DGLUCY: variants seen among roughly 807,000 people sequenced by gnomAD.
The protein encoded by DGLUCY is D-glutamate cyclase, mitochondrial.
In DGLUCY, 58 loss-of-function variants were observed where a neutral mutation model predicts 58.5. The observed-to-expected ratio is 0.99, with a 90% confidence interval of 0.80 to 1.23. The LOEUF is 1.23. Among genes scored for constraint, DGLUCY ranks in the 50% most tolerant of loss-of-function variants. The pLI, the probability that DGLUCY is intolerant of heterozygous loss-of-function variation, is 0.00. For synonymous variants in DGLUCY, 325 were observed against 314.1 expected, an observed-to-expected ratio of 1.03 and a Z score of -0.37; for missense variants, 779 against 784.7, an observed-to-expected ratio of 0.99 and a Z score of 0.09.
intron 13 of DGLUCY, among the ~76,000 whole-genome samples, chr14:91,219,095 A>G (rs1887040233): frequency 6.6e-6 from 1 of 151,880 alleles, no homozygotes; most frequent in Non-Finnish European, 1.5e-5. Context: ...CATGAGAATC[A>G]CTTAAACTCG....
chr14:91,185,841 T>C (rs957203344), intron 8 of DGLUCY, among the ~76,000 whole-genome samples: 5 of 152,084 alleles, frequency 3.3e-5, no homozygotes, highest in African/African-American at 1.2e-4. Context: ...GCTTGAAGGA[T>C]GAGGCTGGGG....
chr14:91,217,123 C>T (rs199599743), intron 13 of DGLUCY, among the ~76,000 whole-genome samples: 1 of 152,226 alleles, frequency 6.6e-6, no homozygotes, highest in East Asian at 1.9e-4. Context: ...GCGGGACATT[C>T]ACAATGCCTC....
intron 12 of DGLUCY, among the ~76,000 whole-genome samples, chr14:91,213,723 G>A (rs1021100309): frequency 5.5e-5 from 3 of 54,548 alleles, no homozygotes; most frequent in Admixed American, 2.1e-4. Context: ...TGTTTGTTAC[G>A]GAGTCTTGGT....
intron 5 of DGLUCY, among the ~76,000 whole-genome samples, chr14:91,172,487 A>G (rs2048620833): frequency 6.6e-6 from 1 of 152,218 alleles, no homozygotes; most frequent in South Asian, 2.1e-4. Context: ...ATGGCTGGCA[A>G]CAGAAATCAC....
rs1885003572 is a variant in DGLUCY at position 91,207,796 on chromosome 14, G to A, written c.1564+2971G>A. Among the ~76,000 whole-genome samples, 5 of 151,708 alleles carry A rather than the reference G, an allele frequency of 3.3e-5. No individual in the cohort carries two copies. The South Asian group carries it at 1.0e-3, about 32-fold the overall frequency. On this transcript the variant is annotated intron_variant, in intron 12 of 13. Coordinates refer to ENST00000256324, the MANE Select transcript of DGLUCY (RefSeq NM_001102368.3). ...AGTTTCACTCTTGTTGCCGAGGCTG[G>A]AGTGCAATGGCGCAATCTCGGCTCG...
chr14:91,223,780 G>A, intron 13 of DGLUCY: 1 of 1,145,750 alleles, frequency 8.7e-7, no homozygotes, highest in South Asian at 1.3e-5. Flanking sequence ...CAAGGACCCT[G>A]CTAAGTGCTT....
intron 7 of DGLUCY, among the ~76,000 whole-genome samples, chr14:91,178,480 A>C (rs1288032323): frequency 6.6e-6 from 1 of 152,086 alleles, no homozygotes; most frequent in Non-Finnish European, 1.5e-5. Flanking sequence ...TCAATATTTA[A>C]ACTTCTATTA....
chr14:91,168,702 T>C (rs1044825540), intron 4 of DGLUCY, among the ~76,000 whole-genome samples: 2 of 152,238 alleles, frequency 1.3e-5, no homozygotes, highest in African/African-American at 4.8e-5. Context: ...TCTGTGTCAC[T>C]CTACCTAGAC....
At chr14:91,191,907 G>A (rs1013597502) in intron 9 of DGLUCY, among the ~76,000 whole-genome samples, 6 of 152,118 alleles carry the variant, frequency 3.9e-5, no homozygotes, top group African/African-American at 1.2e-4. Context: ...TGACATTTGC[G>A]CCCTGATGGA....
chr14:91,144,316 T>G (rs188185647), intron 1 of DGLUCY, among the ~76,000 whole-genome samples: 206 of 152,092 alleles, frequency 1.4e-3, no homozygotes, highest in African/African-American at 4.6e-3. Flanking sequence ...TCCCAGGACT[T>G]TGGGAGGCTG....
intron 3 of DGLUCY, among the ~76,000 whole-genome samples, chr14:91,164,748 C>T (rs1215365400): frequency 6.6e-6 from 1 of 152,204 alleles, no homozygotes; most frequent in African/African-American, 2.4e-5. Context: ...GACACAATCA[C>T]CCCTGTAGCC....
intron 1 of DGLUCY, among the ~76,000 whole-genome samples, chr14:91,122,965 C>T (rs975270964): frequency 2.0e-5 from 3 of 152,082 alleles, no homozygotes; most frequent in Admixed American, 6.6e-5. Context: ...ACTATGTAGC[C>T]GGCACTACTC....
At chr14:91,223,222 T>C (rs960225251) in intron 13 of DGLUCY, among the ~76,000 whole-genome samples, 2 of 152,176 alleles carry the variant, frequency 1.3e-5, no homozygotes, top group African/African-American at 4.8e-5. Context: ...TGATTACTCA[T>C]CTAGACTGTG....
At chr14:91,108,304 T>A (rs1418394064) in intron 1 of DGLUCY, among the ~76,000 whole-genome samples, 3 of 151,944 alleles carry the variant, frequency 2.0e-5, no homozygotes, top group Non-Finnish European at 4.4e-5. Context: ...ACTTTGATTT[T>A]AAAAAAATTA....
chr14:91,129,660 T>TG (rs2045923395), intron 1 of DGLUCY, among the ~76,000 whole-genome samples: 1 of 152,118 alleles, frequency 6.6e-6, no homozygotes, highest in Admixed American at 6.5e-5. Context: ...TGTTTTTTTT[T>TG]TCTGAGACGG....
At chr14:91,158,473 TC>T (rs1179604312) in intron 2 of DGLUCY, among the ~76,000 whole-genome samples, 3 of 152,272 alleles carry the variant, frequency 2.0e-5, no homozygotes, top group African/African-American at 7.2e-5. Flanking sequence ...GCTAGAGATT[TC>T]ATGTAATCTC....
chr14:91,133,610 T>C (rs2046158482), intron 1 of DGLUCY, among the ~76,000 whole-genome samples: 2 of 152,120 alleles, frequency 1.3e-5, no homozygotes, highest in Non-Finnish European at 2.9e-5. Context: ...GATAGTCTTA[T>C]ACTCCTGGCC....
At chr14:91,113,179 A>T (rs1309891718), upstream of DGLUCY, among the ~76,000 whole-genome samples, 5 of 152,086 alleles carry the variant, frequency 3.3e-5, no homozygotes, top group Non-Finnish European at 7.4e-5. Context: ...GCACACCTGT[A>T]TTCCCAGCTA....
At chr14:91,076,204 C>T (rs1227803345) in intron 1 of DGLUCY, among the ~76,000 whole-genome samples, 1 of 152,080 alleles carries the variant, frequency 6.6e-6, no homozygotes, top group African/African-American at 2.4e-5. Flanking sequence ...GTACAGTCTC[C>T]CTCAGTATCT....
Sources: allele counts gnomAD v4.1 joint callset (sites outside exome capture counted in the v4.1 genomes callset), GRCh38; gene constraint gnomAD v4.1.1; transcripts MANE v1.5; gene names NCBI Gene and HGNC (gene_info 2026-07-23, HGNC 2026-07-21).